The following ADGRL2 variants were observed in gnomAD, a reference collection of about 807,000 sequenced individuals.
ADGRL2 encodes the protein calcium-independent alpha-latrotoxin receptor 2.
Under a neutral mutation model 157.4 loss-of-function variants are expected in ADGRL2, and 44 were observed. The observed-to-expected ratio is 0.28, with a 90% CI of 0.22 to 0.36. The LOEUF (loss-of-function observed/expected upper bound fraction) is 0.36. Among genes scored for constraint, ADGRL2 ranks in the 10% least tolerant of loss-of-function variants. The pLI is 1.00. For synonymous variants in ADGRL2, 585 were observed against 624.7 expected, an observed-to-expected ratio of 0.94 and a Z score of 0.95; for missense variants, 1,510 against 1,768.9, an observed-to-expected ratio of 0.85 and a Z score of 2.63.
chr1:81,461,931 G>GC (rs1553166995), intron 2 of ADGRL2, among the ~76,000 whole-genome samples: 1 of 8,226 alleles, frequency 1.2e-4, no homozygotes, highest in Non-Finnish European at 2.3e-4. Context: ...AAAGAAGAAA[G>GC]GGGGGGGGGG....
intron 1 of ADGRL2, among the ~76,000 whole-genome samples, chr1:81,833,762 A>G (rs2092108883): frequency 2.0e-5 from 3 of 152,210 alleles, no homozygotes; most frequent in Non-Finnish European, 4.4e-5. Context: ...AGCTGACTGT[A>G]CATTGCACGT....
chr1:81,442,353 A>T (rs2077522993), intron 1 of ADGRL2, among the ~76,000 whole-genome samples: 1 of 152,332 alleles, frequency 6.6e-6, no homozygotes, highest in East Asian at 1.9e-4. Context: ...TTTTTATTAC[A>T]AATGAAAATA....
rs192581137 is a variant in ADGRL2, at chr1:81,319,004, C to T, written c.-302+12495C>T. On this transcript the variant is annotated intron_variant, in intron 1 of 24. Coordinates refer to the ADGRL2 transcript ENST00000370721. ...TTGCCCAGGCTGGAGTGCAATGGAG[C>T]GATCCCAGCTCACCGCAACCTCCAC... Among the ~76,000 whole-genome samples the T allele has an allele frequency of 2.0e-4, 27 of 133,736 alleles. No individual in the cohort carries two copies. The East Asian group carries it at 5.8e-3, about 29-fold the overall frequency. 87.7% of individuals were successfully genotyped at this position (133,736 alleles called of 152,430 possible).
At chr1:81,824,858 G>T (rs923546842) in intron 1 of ADGRL2, among the ~76,000 whole-genome samples, 4 of 152,062 alleles carry the variant, frequency 2.6e-5, no homozygotes, top group African/African-American at 7.2e-5. Flanking sequence ...GAAATATTGA[G>T]CAAGTAAGTT....
chr1:81,823,369 T>TC (rs398038121), intron 1 of ADGRL2, among the ~76,000 whole-genome samples: 8,637 of 100,354 alleles, frequency 0.086, 396 homozygotes, highest in South Asian at 0.17. Context: ...CTTCCTTCCC[T>TC]CCCCCCTCCC....
chr1:81,887,454 A>C (rs2094151654), intron 2 of ADGRL2, among the ~76,000 whole-genome samples: 2 of 152,224 alleles, frequency 1.3e-5, no homozygotes, highest in Non-Finnish European at 2.9e-5. Context: ...AAGAGAGCAA[A>C]TATCAGAGCA....
At position 81,711,414 on chromosome 1, in the gene ADGRL2, T is replaced by C. The variant is rs1265865362; in HGVS notation, c.-143+11606T>C. ...CAAACATTTATCTCATAAGTGCTTTTCCTCAAGACGGTCAGACTTCGGTAG... is the reference window on the plus strand; with the variant it reads ...CAAACATTTATCTCATAAGTGCTTTCCCTCAAGACGGTCAGACTTCGGTAG... On this transcript the variant is annotated intron_variant, in intron 1 of 20. Transcript: ENST00000359929. 2.6e-5 allele frequency among the ~76,000 whole-genome samples: 4 copies of C among 152,230 alleles called. No individual in the cohort carries two copies. The East Asian group carries it at 5.8e-4, about 22-fold the overall frequency.
chr1:81,864,788 C>A (rs1175343820), intron 2 of ADGRL2, among the ~76,000 whole-genome samples: 1 of 152,006 alleles, frequency 6.6e-6, no homozygotes, highest in Admixed American at 6.6e-5. Context: ...ATGGCGAAAC[C>A]CCATTTCTAC....
intron 1 of ADGRL2, among the ~76,000 whole-genome samples, chr1:81,732,790 A>G (rs1328281741): frequency 6.6e-6 from 1 of 152,198 alleles, no homozygotes; most frequent in Admixed American, 6.5e-5. Context: ...GTTGAAATGG[A>G]TGGAATACCA....
chr1:81,905,527 A>G (rs2094567944), intron 2 of ADGRL2, among the ~76,000 whole-genome samples: 1 of 152,236 alleles, frequency 6.6e-6, no homozygotes, highest in Non-Finnish European at 1.5e-5. Flanking sequence ...TTCACTTAGA[A>G]TGATAACTCT....
chr1:81,889,897 A>G (rs1293736683), intron 2 of ADGRL2, among the ~76,000 whole-genome samples: 1 of 152,072 alleles, frequency 6.6e-6, no homozygotes, highest in African/African-American at 2.4e-5. Context: ...AGATGTACCC[A>G]CCCTTCTCTT....
intron 10 of ADGRL2, among the ~76,000 whole-genome samples, chr1:81,953,395 C>T (rs1236404579): frequency 6.6e-6 from 1 of 152,034 alleles, no homozygotes; most frequent in Non-Finnish European, 1.5e-5. Flanking sequence ...ACTGTATAGT[C>T]ATAATATATG....
At chr1:81,460,760 C>T (rs2077909413) in intron 2 of ADGRL2, among the ~76,000 whole-genome samples, 1 of 152,134 alleles carries the variant, frequency 6.6e-6, no homozygotes. Flanking sequence ...CTGGGTCCTA[C>T]CAAATTGCCT....
At chr1:81,784,379 C>T (rs929406764) in intron 2 of ADGRL2, among the ~76,000 whole-genome samples, 15 of 152,158 alleles carry the variant, frequency 9.9e-5, no homozygotes, top group African/African-American at 3.6e-4. Context: ...ATATTCTTGA[C>T]TGTAGAATTT....
intron 2 of ADGRL2, among the ~76,000 whole-genome samples, chr1:81,490,282 C>T (rs945114792): frequency 6.6e-6 from 1 of 152,016 alleles, no homozygotes; most frequent in African/African-American, 2.4e-5. Flanking sequence ...CAGGTGTGCG[C>T]CATGATGTCT....
At chr1:81,809,428 G>A (rs1313294881) in intron 1 of ADGRL2, among the ~76,000 whole-genome samples, 1 of 151,950 alleles carries the variant, frequency 6.6e-6, no homozygotes, top group Non-Finnish European at 1.5e-5. Context: ...TAAAAAAAGA[G>A]ATGGAGATAA....
At chr1:81,526,899 C>G (rs2079471729) in intron 2 of ADGRL2, among the ~76,000 whole-genome samples, 1 of 152,188 alleles carries the variant, frequency 6.6e-6, no homozygotes, top group South Asian at 2.1e-4. Context: ...CCTTATACTG[C>G]TATGATGCCC....
chr1:81,807,888 G>A (rs2089361365), intron 1 of ADGRL2, among the ~76,000 whole-genome samples: 1 of 151,604 alleles, frequency 6.6e-6, no homozygotes, highest in Non-Finnish European at 1.5e-5. Flanking sequence ...GCTGCACTAA[G>A]TAGGCAATAA....
At chr1:81,422,089 G>A (rs1305732134) in intron 1 of ADGRL2, among the ~76,000 whole-genome samples, 4 of 151,802 alleles carry the variant, frequency 2.6e-5, no homozygotes, top group Admixed American at 6.6e-5. Flanking sequence ...TCAAACAAAT[G>A]AAAATTTCAG....
Sources: gnomAD v4.1 joint callset for allele counts (sites outside exome capture counted in the v4.1 genomes callset) on GRCh38, gnomAD v4.1.1 for gene constraint, MANE v1.5 for transcripts, NCBI Gene and HGNC (gene_info 2026-07-23, HGNC 2026-07-21) for gene names.